UNC5C: variants seen among roughly 807,000 people sequenced by gnomAD.
The protein encoded by UNC5C is netrin receptor UNC5C.
In UNC5C, 47 loss-of-function variants were observed where a neutral mutation model predicts 99.8. The ratio of observed to expected loss-of-function variants is 0.47; its 90% CI spans 0.37 to 0.60. The LOEUF is 0.60. Among genes scored for constraint, UNC5C ranks in the 20% least tolerant of loss-of-function variants. The pLI is 0.00. For missense variants in UNC5C, 1,062 were observed against 1,165.9 expected (o/e 0.91, Z 1.30); for synonymous variants, 487 against 452.2 (o/e 1.08, Z -0.98).
At chr4:95,510,088 T>C (rs1300338809) in intron 1 of UNC5C, among the ~76,000 whole-genome samples, 1 of 152,030 alleles carries the variant, frequency 6.6e-6, no homozygotes. Context: ...AAAATATCAA[T>C]GTCATATATT....
chr4:95,177,087 T>C (rs10004711), intron 14 of UNC5C, among the ~76,000 whole-genome samples: 72,561 of 151,964 alleles, frequency 0.48, 18,351 homozygotes, highest in Admixed American at 0.6. Context: ...GGCAATGCCT[T>C]GCCCTCCTTC....
At chr4:95,191,663 C>T (rs1737101048) in intron 12 of UNC5C, among the ~76,000 whole-genome samples, 1 of 151,190 alleles carries the variant, frequency 6.6e-6, no homozygotes, top group East Asian at 2.0e-4. Flanking sequence ...TGTTCGCCGC[C>T]TCCTCTGTTC....
Position 95,206,758 on chromosome 4 carries a change from A to G in UNC5C, c.1772T>C (p.Val591Ala). Residue 591 changes from valine to alanine, a missense_variant, in exon 11 of 16, where the codon GTG (valine) becomes GCG (alanine). This residue lies in a region of UNC5C where 810 missense variants were observed against 854.5 expected (regional missense o/e 0.95). Transcript: ENST00000453304. ...MDDSQTLLTP[V>A]VSCGPPGALL... ...AGCTCCTGGGGGCCCACAGCTCACC[A>G]CAGGGGTCAAAAGTGTCTGAGAGTC... The G allele has an allele frequency of 1.2e-6, 2 of 1,613,152 alleles. No individual in the cohort carries two copies. Among genetic ancestry groups the G allele is most frequent in the Non-Finnish European group, 1.7e-6 (2 of 1,179,582 alleles).
intron 1 of UNC5C, among the ~76,000 whole-genome samples, chr4:95,391,986 C>T (rs1422207367): frequency 2.6e-5 from 4 of 152,050 alleles, no homozygotes; most frequent in African/African-American, 4.8e-5. Context: ...GAGCCCCAGA[C>T]GTCGAGGCTG....
chr4:95,202,281 A>C (rs191681978), intron 12 of UNC5C, among the ~76,000 whole-genome samples: 2 of 152,346 alleles, frequency 1.3e-5, no homozygotes, highest in African/African-American at 4.8e-5. Context: ...TATTCTGCAA[A>C]GCAGCAGCCT....
At chr4:95,386,925 T>C (rs1304409524) in intron 1 of UNC5C, among the ~76,000 whole-genome samples, 1 of 152,152 alleles carries the variant, frequency 6.6e-6, no homozygotes, top group South Asian at 2.1e-4. Context: ...CTATACAAGA[T>C]GCCAACAAAA....
intron 1 of UNC5C, among the ~76,000 whole-genome samples, chr4:95,541,758 A>C (rs991347415): frequency 7.2e-5 from 11 of 152,162 alleles, no homozygotes; most frequent in African/African-American, 2.7e-4. Context: ...TTTAATAAAC[A>C]AGCACTATTC....
intron 1 of UNC5C, among the ~76,000 whole-genome samples, chr4:95,343,348 T>C (rs1166134716): frequency 2.0e-5 from 3 of 152,044 alleles, no homozygotes; most frequent in Non-Finnish European, 4.4e-5. Flanking sequence ...TGGGAGAAAG[T>C]AAGGGAAGAG....
chr4:95,365,953 T>TA (rs397938984), intron 1 of UNC5C, among the ~76,000 whole-genome samples: 7 of 152,002 alleles, frequency 4.6e-5, no homozygotes, highest in South Asian at 2.1e-4. Flanking sequence ...TTTTTTTTTT[T>TA]AAATCAAAAT....
At chr4:95,527,476 A>C (rs1186209190) in intron 1 of UNC5C, among the ~76,000 whole-genome samples, 1 of 152,090 alleles carries the variant, frequency 6.6e-6, no homozygotes, top group East Asian at 1.9e-4. Context: ...AGCTGTGCAA[A>C]CTTGAGTTTT....
At chr4:95,383,527 T>C (rs1187204376) in intron 1 of UNC5C, among the ~76,000 whole-genome samples, 1 of 152,212 alleles carries the variant, frequency 6.6e-6, no homozygotes. Context: ...TAAGATTCAA[T>C]TATCACCTTA....
chr4:95,403,874 C>T (rs1454693986), intron 1 of UNC5C, among the ~76,000 whole-genome samples: 1 of 152,230 alleles, frequency 6.6e-6, no homozygotes, highest in Non-Finnish European at 1.5e-5. Context: ...GCCAGTGTGG[C>T]TCACAGATGG....
Position 95,298,860 on chromosome 4 carries a change from T to C in UNC5C, c.490+2746A>G, listed in dbSNP as rs114319546. Among the ~76,000 whole-genome samples the C allele has an allele frequency of 5.5e-3, 844 of 152,268 alleles. 7 individuals carry two copies. Among genetic ancestry groups the C allele is most frequent in the African/African-American group, 0.018 (738 of 41,560 alleles). On this transcript the variant is annotated intron_variant, in intron 3 of 15. Coordinates refer to ENST00000453304, the MANE Select transcript of UNC5C (RefSeq NM_003728.4). The stretch of plus-strand genomic sequence containing the variant: ...AAGTGAACAAATACATACAAACATA[T>C]ACATATATATGTTGTGAAAGGTAGT...
intron 3 of UNC5C, among the ~76,000 whole-genome samples, chr4:95,279,525 C>T (rs1740978025): frequency 6.6e-6 from 1 of 152,158 alleles, no homozygotes; most frequent in Non-Finnish European, 1.5e-5. Context: ...ACTCTATATA[C>T]ATTTAGTCTA....
intron 1 of UNC5C, among the ~76,000 whole-genome samples, chr4:95,409,183 G>A (rs913194373): frequency 1.3e-5 from 2 of 152,110 alleles, no homozygotes; most frequent in African/African-American, 2.4e-5. Context: ...ATCATTAGGA[G>A]GTTAAATAAC....
intron 1 of UNC5C, among the ~76,000 whole-genome samples, chr4:95,497,811 G>T (rs1721670338): frequency 6.6e-6 from 1 of 151,882 alleles, no homozygotes; most frequent in Non-Finnish European, 1.5e-5. Context: ...TTTTTATCTT[G>T]TGTTTTTCCC....
At chr4:95,462,717 A>G (rs573321841) in intron 1 of UNC5C, among the ~76,000 whole-genome samples, 4 of 152,222 alleles carry the variant, frequency 2.6e-5, no homozygotes, top group Non-Finnish European at 5.9e-5. Context: ...GCAAATTTAA[A>G]AACAACATAT....
chr4:95,494,140 A>G (rs561961203), intron 1 of UNC5C, among the ~76,000 whole-genome samples: 1 of 151,614 alleles, frequency 6.6e-6, no homozygotes, highest in South Asian at 2.1e-4. Flanking sequence ...ATCAATGAGT[A>G]AAAAAGGAAA....
chr4:95,188,067 A>T (rs190415815), intron 12 of UNC5C, among the ~76,000 whole-genome samples: 1 of 152,222 alleles, frequency 6.6e-6, no homozygotes, highest in Non-Finnish European at 1.5e-5. Flanking sequence ...TTAAAAATAC[A>T]TAAGATCCTG....
Sources: gnomAD v4.1 joint callset for allele counts (sites outside exome capture counted in the v4.1 genomes callset) on GRCh38, gnomAD v4.1.1 for gene constraint, gnomAD v4.1.1 regional missense constraint, MANE v1.5 for transcripts, NCBI Gene and HGNC (gene_info 2026-07-23, HGNC 2026-07-21) for gene names.